Variants in AGAP1 observed in about 807,000 individuals in gnomAD.
AGAP1 encodes the protein arf-GAP with GTPase, ANK repeat and PH domain-containing protein 1.
AGAP1 carries 29 observed loss-of-function variants against 105.3 expected under a neutral mutation model. The ratio of observed to expected loss-of-function variants is 0.28; its 90% confidence interval spans 0.21 to 0.38. The LOEUF (loss-of-function observed/expected upper bound fraction) is 0.38. AGAP1 is among the 10% of genes least tolerant of loss of function. AGAP1 has a pLI of 1.00. For synonymous variants in AGAP1, 509 were observed against 485.9 expected, an observed-to-expected ratio of 1.05 and a Z score of -0.63; for missense variants, 998 against 1,165.1, an observed-to-expected ratio of 0.86 and a Z score of 2.09.
rs2057456173 is a variant in AGAP1, at chr2:236,038,734, T to A, written c.1801-2017T>A. ...GTGGATAATTGAGAGCTGATACAGG[T>A]ATAGGCATAGCTAGACAGACAGACA... On this transcript the variant is annotated intron_variant, in intron 14 of 17. Coordinates refer to ENST00000304032, the MANE Select transcript of AGAP1 (RefSeq NM_001037131.3). The surrounding 1 kb of genome is among the most constrained non-coding windows in gnomAD (Gnocchi z 4.5). Among the ~76,000 whole-genome samples, 1 of 151,994 alleles carries A rather than the reference T, an allele frequency of 6.6e-6. No homozygotes were observed. Among genetic ancestry groups the A allele is most frequent in the Non-Finnish European group, 1.5e-5 (1 of 68,018 alleles).
chr2:235,940,547 A>G (rs1166615522), intron 12 of AGAP1, among the ~76,000 whole-genome samples: 2 of 152,158 alleles, frequency 1.3e-5, no homozygotes, highest in Admixed American at 1.3e-4. Flanking sequence ...TTCCGCCCAG[A>G]CGTCAGCTCC....
intron 13 of AGAP1, among the ~76,000 whole-genome samples, chr2:236,029,371 G>T (rs563516694): frequency 4.6e-5 from 7 of 151,498 alleles, no homozygotes; most frequent in Non-Finnish European, 8.8e-5. Flanking sequence ...CGCCTCCCAG[G>T]TTCAAGTGAT....
At chr2:236,065,300 CGGT>C (rs1450931291) in intron 16 of AGAP1, among the ~76,000 whole-genome samples, 1 of 152,176 alleles carries the variant, frequency 6.6e-6, no homozygotes, top group Non-Finnish European at 1.5e-5. Context: ...TTAGGAGTGT[CGGT>C]GGTGGTGTCT....
chr2:235,558,404 ATGAT>A (rs1944041286), intron 1 of AGAP1, among the ~76,000 whole-genome samples: 1 of 152,042 alleles, frequency 6.6e-6, no homozygotes, highest in South Asian at 2.1e-4. Context: ...AGATATGTGT[ATGAT>A]TGATTCCAAG....
In AGAP1 at chr2:235,720,349, G is replaced by A. The variant is rs992473338; in HGVS notation, c.310+2705G>A. Among the ~76,000 whole-genome samples, 5 of 152,300 alleles carry A rather than the reference G, an allele frequency of 3.3e-5. No homozygotes were observed. The highest frequency in any genetic ancestry group is 6.5e-5 in the Admixed American group (1 of 15,304). ...TAATTTACTGTGTTGTCACCTGGGT[G>A]TGTGGAGACTATCAAAGGGATGTGT... On this transcript the variant is annotated intron_variant, in intron 3 of 17. Transcript: ENST00000304032. This position sits in a 1 kb window ranked among gnomAD's most constrained non-coding sequence, Gnocchi z 5.0.
At position 235,919,699 on chromosome 2, in the gene AGAP1, TC is replaced by T. The variant is rs775387316; in HGVS notation, c.1324+10794del. Among the ~76,000 whole-genome samples, 7 of 152,040 alleles carry T rather than the reference TC, an allele frequency of 4.6e-5. No individual in the cohort carries two copies. Among genetic ancestry groups the T allele is most frequent in the Non-Finnish European group, 1.5e-5 (1 of 68,022 alleles). ...CAGTGTTGTCAAATGAAAATGAATT[TC>T]ATGTTAAAAACACACACACACACAC... On this transcript the variant is annotated intron_variant, in intron 11 of 17. Coordinates refer to ENST00000304032, the MANE Select transcript of AGAP1 (RefSeq NM_001037131.3). The surrounding 1 kb of genome is among the most constrained non-coding windows in gnomAD (Gnocchi z 4.1).
chr2:236,077,093 T>G (rs185199156), intron 16 of AGAP1, among the ~76,000 whole-genome samples: 165 of 131,356 alleles, frequency 1.3e-3, no homozygotes, highest in African/African-American at 4.5e-3. Flanking sequence ...CTGGGCAACA[T>G]AGTGAGACCC....
At position 235,977,723 on chromosome 2, in the gene AGAP1, A is replaced by T. The variant is rs1253267207; in HGVS notation, c.1645+9100A>T. On this transcript the variant is annotated intron_variant, in intron 13 of 17. Transcript: ENST00000304032. This position sits in a 1 kb window ranked among gnomAD's most constrained non-coding sequence, Gnocchi z 5.2. The stretch of plus-strand genomic sequence containing the variant: ...GTGTTTTATCTCACAGGCAGTGGCG[A>T]CTTCATTCCTCTTTCTAAAGATGTA... Among the ~76,000 whole-genome samples, 1 of 152,118 alleles carries T rather than the reference A, an allele frequency of 6.6e-6. No individual in the cohort carries two copies. The highest frequency in any genetic ancestry group is 1.5e-5 in the Non-Finnish European group (1 of 68,030).
intron 11 of AGAP1, among the ~76,000 whole-genome samples, chr2:235,913,154 A>C (rs2051700409): frequency 6.6e-6 from 1 of 152,056 alleles, no homozygotes; most frequent in African/African-American, 2.4e-5. Flanking sequence ...TTCTACTTTA[A>C]GCTATTTAGA....
intron 1 of AGAP1, among the ~76,000 whole-genome samples, chr2:235,627,192 G>GTT (rs36086999): frequency 0.013 from 1,229 of 95,558 alleles, 46 homozygotes; most frequent in East Asian, 0.063. Context: ...CTGTTTTGAG[G>GTT]TTTTTTTTTT....
chr2:235,843,536 C>T lies in AGAP1; in HGVS notation c.1050+36205C>T, dbSNP rs1961110023. Among the ~76,000 whole-genome samples, 2 of 152,276 alleles carry T rather than the reference C, an allele frequency of 1.3e-5. No homozygotes were observed. Among genetic ancestry groups the T allele is most frequent in the African/African-American group, 4.8e-5 (2 of 41,546 alleles). On this transcript the variant is annotated intron_variant, in intron 9 of 17. Coordinates refer to ENST00000304032, the MANE Select transcript of AGAP1 (RefSeq NM_001037131.3). This position sits in a 1 kb window ranked among gnomAD's most constrained non-coding sequence, Gnocchi z 5.9. ...ACAGCACTCTTTCTGCTGTGGGATGCCTCCGCCTCCCTTCGTTCCCCATTT... is the reference window on the plus strand; with the variant it reads ...ACAGCACTCTTTCTGCTGTGGGATGTCTCCGCCTCCCTTCGTTCCCCATTT...
At chr2:235,756,077 G>T in intron 6 of AGAP1, among the ~76,000 whole-genome samples, 1 of 152,206 alleles carries the variant, frequency 6.6e-6, no homozygotes, top group Non-Finnish European at 1.5e-5. Context: ...TGGAGAGCGG[G>T]CTCTGCCTGT....
Position 235,988,976 on chromosome 2 carries a change from G to A in AGAP1, c.1645+20353G>A, listed in dbSNP as rs538734352. Among the ~76,000 whole-genome samples the A allele has an allele frequency of 5.3e-5, 8 of 152,264 alleles. No homozygotes were observed. The highest frequency in any genetic ancestry group is 4.1e-4 in the South Asian group (2 of 4,820). On this transcript the variant is annotated intron_variant, in intron 13 of 17. Transcript: ENST00000304032. This position sits in a 1 kb window ranked among gnomAD's most constrained non-coding sequence, Gnocchi z 4.7. The stretch of plus-strand genomic sequence containing the variant: ...CGTTGAGTTTTAGTTTAGGTCTTCC[G>A]AGGAATGCACAGACCACACGTTGTC...
intron 11 of AGAP1, among the ~76,000 whole-genome samples, chr2:235,920,867 T>C (rs1433645917): frequency 6.6e-6 from 1 of 152,240 alleles, no homozygotes; most frequent in East Asian, 1.9e-4. Context: ...GCAGAGGTTT[T>C]ACAGTTTACA....
At chr2:235,781,773 T>C (rs1190253098) in intron 6 of AGAP1, among the ~76,000 whole-genome samples, 1 of 152,180 alleles carries the variant, frequency 6.6e-6, no homozygotes, top group East Asian at 1.9e-4. Context: ...AGCAAATTAT[T>C]GTTCCCATCA....
At chr2:235,832,455 A>G (rs138498674) in intron 9 of AGAP1, among the ~76,000 whole-genome samples, 7 of 152,348 alleles carry the variant, frequency 4.6e-5, no homozygotes, top group African/African-American at 1.7e-4. Context: ...GAGTGAGCAC[A>G]TCCTCAAAAT....
chr2:235,666,963 C>G (rs1948146962), intron 1 of AGAP1, among the ~76,000 whole-genome samples: 2 of 152,098 alleles, frequency 1.3e-5, no homozygotes, highest in South Asian at 4.1e-4. Flanking sequence ...CTGGTCCCAC[C>G]CTTGACAGTA....
intron 11 of AGAP1, among the ~76,000 whole-genome samples, chr2:235,915,444 G>A (rs1370925960): frequency 1.3e-5 from 2 of 150,288 alleles, no homozygotes; most frequent in African/African-American, 4.9e-5. Flanking sequence ...AGAGGCTGAG[G>A]CAGGCAGATC....
chr2:235,902,503 A>G (rs1030082427), intron 10 of AGAP1, among the ~76,000 whole-genome samples: 1 of 152,256 alleles, frequency 6.6e-6, no homozygotes, highest in Non-Finnish European at 1.5e-5. Flanking sequence ...GAAATGAAGT[A>G]TGCAGATTTC....
Sources: allele counts gnomAD v4.1 joint callset (sites outside exome capture counted in the v4.1 genomes callset), GRCh38; gene constraint gnomAD v4.1.1; non-coding constraint Gnocchi (gnomAD v3.1); transcripts MANE v1.5; gene names NCBI Gene and HGNC (gene_info 2026-07-23, HGNC 2026-07-21).